PTPRN2: variants seen among roughly 807,000 people sequenced by gnomAD.
PTPRN2 encodes the protein protein tyrosine phosphatase receptor type N2, also known as receptor-type tyrosine-protein phosphatase N2.
In PTPRN2, 74 loss-of-function variants were observed where a neutral mutation model predicts 118.8. The observed-to-expected ratio is 0.62, with a 90% CI of 0.52 to 0.76. The LOEUF (loss-of-function observed/expected upper bound fraction) is 0.76, where lower values mean the gene tolerates loss of function less well. PTPRN2 is among the 30% of genes least tolerant of loss of function. PTPRN2 has a pLI of 0.00. For missense variants in PTPRN2, 1,481 were observed against 1,394.4 expected, an observed-to-expected ratio of 1.06 and a Z score of -0.99; for synonymous variants, 641 against 608.0, an observed-to-expected ratio of 1.05 and a Z score of -0.80.
Position 157,861,145 on chromosome 7 carries a change from T to G in PTPRN2, c.1788+37528A>C, listed in dbSNP as rs1262094859. Reference sequence around the variant, plus strand: ...TTTGGGATGTCGGCAGAGGCACGCATGCCTCCAGGGATGTGCCAGCTCAGG... The same window carrying G: ...TTTGGGATGTCGGCAGAGGCACGCAGGCCTCCAGGGATGTGCCAGCTCAGG... On this transcript the variant is annotated intron_variant, in intron 12 of 22. Coordinates refer to ENST00000389418, the MANE Select transcript of PTPRN2 (RefSeq NM_002847.5). The surrounding 1 kb of genome is among the most constrained non-coding windows in gnomAD (Gnocchi z 5.8). Among the ~76,000 whole-genome samples, 3 of 152,192 alleles carry G rather than the reference T, an allele frequency of 2.0e-5. No homozygotes were observed. Among genetic ancestry groups the G allele is most frequent in the Non-Finnish European group, 4.4e-5 (3 of 68,030 alleles).
chr7:158,166,899 C>A, intron 6 of PTPRN2, 32 bp downstream of exon 6: 1 of 1,419,392 alleles, frequency 7.0e-7, no homozygotes, highest in Non-Finnish European at 9.2e-7. Context: ...GGACAGTCAG[C>A]AAACAAGAAA....
intron 12 of PTPRN2, among the ~76,000 whole-genome samples, chr7:157,886,765 C>G (rs1226148448): frequency 2.0e-5 from 3 of 152,168 alleles, no homozygotes; most frequent in Non-Finnish European, 2.9e-5. Flanking sequence ...GAGCCCACCA[C>G]AGTGGGGCTG....
At chr7:157,646,972 C>T (rs1186823688) in intron 14 of PTPRN2, among the ~76,000 whole-genome samples, 9 of 146,896 alleles carry the variant, frequency 6.1e-5, no homozygotes, top group Non-Finnish European at 8.9e-5. Context: ...TGGGTTGGAC[C>T]CATTCACTGT....
At chr7:158,250,186 C>A (rs1024991522) in intron 3 of PTPRN2, among the ~76,000 whole-genome samples, 1 of 152,152 alleles carries the variant, frequency 6.6e-6, no homozygotes, top group African/African-American at 2.4e-5. Context: ...GAAAGCCGAA[C>A]AACAGGACCC....
intron 3 of PTPRN2, among the ~76,000 whole-genome samples, chr7:158,211,961 C>T (rs1585863564): frequency 6.6e-6 from 1 of 152,220 alleles, no homozygotes; most frequent in Non-Finnish European, 1.5e-5. Flanking sequence ...TTGGAAGCAA[C>T]CTAAATGTCC....
rs561939669 is a variant in PTPRN2, at chr7:157,649,033, C to T, written c.2196+7324G>A. 6.4e-5 allele frequency among the ~76,000 whole-genome samples: 9 copies of T among 139,544 alleles called. 1 individual carries two copies. The South Asian group carries it at 1.0e-3, about 16-fold the overall frequency. The allele number at this position is 139,544 out of a possible 152,430, so 91.5% of individuals were successfully genotyped here. ...GGATCCATTCACTGTGCACTGAACT[C>T]GGTGGGTTGGACCCATCCAGCGTGC... On this transcript the variant is annotated intron_variant, in intron 14 of 22. Transcript: ENST00000389418.
At chr7:158,380,403 C>A (rs1050917553) in intron 2 of PTPRN2, among the ~76,000 whole-genome samples, 2 of 152,150 alleles carry the variant, frequency 1.3e-5, no homozygotes, top group Non-Finnish European at 2.9e-5. Flanking sequence ...GGCTACAGGC[C>A]CCACGCAAGT....
chr7:158,228,951 C>T (rs1243168934), intron 3 of PTPRN2, among the ~76,000 whole-genome samples: 2 of 152,080 alleles, frequency 1.3e-5, no homozygotes, highest in Admixed American at 6.6e-5. Context: ...CTCTGCAACT[C>T]GGTCAAAGAG....
chr7:157,543,143 A>C (rs1798093883), intron 22 of PTPRN2, among the ~76,000 whole-genome samples: 1 of 152,198 alleles, frequency 6.6e-6, no homozygotes, highest in South Asian at 2.1e-4. Flanking sequence ...ACAGCAACAG[A>C]TGACCAGATG....
At chr7:158,132,834 A>G (rs765538636) in intron 9 of PTPRN2, among the ~76,000 whole-genome samples, 1 of 146,522 alleles carries the variant, frequency 6.8e-6, no homozygotes, top group Non-Finnish European at 1.5e-5. Flanking sequence ...CCCAACATAC[A>G]CACTCATACA....
intron 2 of PTPRN2, among the ~76,000 whole-genome samples, chr7:158,387,578 G>GAA (rs1563230352): frequency 5.9e-5 from 1 of 16,948 alleles, no homozygotes. Flanking sequence ...TGTCAGCTCA[G>GAA]CTTGGCCCGG....
intron 3 of PTPRN2, among the ~76,000 whole-genome samples, chr7:158,250,877 G>C (rs1796609515): frequency 6.6e-6 from 1 of 152,178 alleles, no homozygotes; most frequent in African/African-American, 2.4e-5. Context: ...CTATCTGGTA[G>C]AGAAAAAATT....
chr7:157,934,173 C>T (rs544297937), intron 11 of PTPRN2, among the ~76,000 whole-genome samples: 14 of 152,326 alleles, frequency 9.2e-5, no homozygotes, highest in South Asian at 2.1e-4. Context: ...ACTTGTTAAG[C>T]GCTGCCTGCC....
chr7:157,849,186 C>A (rs1400773091), intron 12 of PTPRN2, among the ~76,000 whole-genome samples: 2 of 152,180 alleles, frequency 1.3e-5, no homozygotes, highest in Admixed American at 6.5e-5. Context: ...CAGCTCAGAT[C>A]AAATTTAACA....
chr7:158,285,176 C>A (rs1372184191), intron 3 of PTPRN2, among the ~76,000 whole-genome samples: 1 of 152,176 alleles, frequency 6.6e-6, no homozygotes, highest in African/African-American at 2.4e-5. Context: ...ATGTATCCTG[C>A]CATTGTGAAA....
At chr7:157,971,466 T>C (rs1046959976) in intron 11 of PTPRN2, among the ~76,000 whole-genome samples, 6 of 152,158 alleles carry the variant, frequency 3.9e-5, no homozygotes, top group African/African-American at 1.4e-4. Flanking sequence ...TTGGAAGTAA[T>C]GGCTTAATCG....
At chr7:158,214,118 T>C (rs1827801500) in intron 3 of PTPRN2, among the ~76,000 whole-genome samples, 1 of 152,054 alleles carries the variant, frequency 6.6e-6, no homozygotes, top group Non-Finnish European at 1.5e-5. Flanking sequence ...TGCAGAGGTA[T>C]GGGAGTTTAA....
At chr7:157,821,275 G>A (rs554318933) in intron 12 of PTPRN2, among the ~76,000 whole-genome samples, 1 of 152,364 alleles carries the variant, frequency 6.6e-6, no homozygotes, top group South Asian at 2.1e-4. Flanking sequence ...TTAGTTATGA[G>A]AGGCCTATAA....
intron 12 of PTPRN2, among the ~76,000 whole-genome samples, chr7:157,752,199 G>T (rs1353472140): frequency 1.3e-5 from 2 of 152,186 alleles, no homozygotes; most frequent in South Asian, 2.1e-4. Flanking sequence ...TCTCCAGGGT[G>T]GGGGCACCGA....
Sources: gnomAD v4.1 joint callset for allele counts (sites outside exome capture counted in the v4.1 genomes callset) on GRCh38, gnomAD v4.1.1 for gene constraint, Gnocchi (gnomAD v3.1) non-coding constraint, MANE v1.5 for transcripts, NCBI Gene and HGNC (gene_info 2026-07-23, HGNC 2026-07-21) for gene names.